Variants in SCP2 observed in about 807,000 individuals in gnomAD.
SCP2 encodes SCP-2/3-oxoacyl-CoA thiolase.
SCP2 carries 48 observed loss-of-function variants against 71.4 expected under a neutral mutation model. The ratio of observed to expected loss-of-function variants is 0.67; its 90% CI spans 0.53 to 0.86. The LOEUF (loss-of-function observed/expected upper bound fraction) is 0.86. Among genes scored for constraint, SCP2 ranks in the 40% least tolerant of loss-of-function variants. SCP2 has a pLI of 0.00. For missense variants in SCP2, 560 were observed against 655.6 expected, an observed-to-expected ratio of 0.85 and a Z score of 1.59; for synonymous variants, 220 against 218.1, an observed-to-expected ratio of 1.01 and a Z score of -0.08.
rs78721014 is a variant in SCP2 at position 52,933,195 on chromosome 1, T to C, written c.69+5730T>C. Among the ~76,000 whole-genome samples the C allele has an allele frequency of 5.0e-3, 766 of 152,336 alleles. 5 individuals carry two copies. Among genetic ancestry groups the C allele is most frequent in the African/African-American group, 0.018 (738 of 41,576 alleles). On this transcript the variant is annotated intron_variant, in intron 1 of 15. Coordinates refer to ENST00000371514, the MANE Select transcript of SCP2 (RefSeq NM_002979.5). ...TTGCAAGGAAGTTATCAAAGCCTAC[T>C]TGAGTGATGCCGAAAGGATTCAGGA...
intron 5 of SCP2, 29 bp from the exon 6 acceptor site, chr1:52,961,474 G>A: frequency 6.2e-7 from 1 of 1,612,284 alleles, no homozygotes; most frequent in Non-Finnish European, 8.5e-7. Flanking sequence ...CATGTCAGCT[G>A]CTTATGAAAT....
chr1:53,047,190 T>C (rs1477719274), intron 14 of SCP2, among the ~76,000 whole-genome samples: 3 of 152,184 alleles, frequency 2.0e-5, no homozygotes, highest in Non-Finnish European at 4.4e-5. Flanking sequence ...CACGTGGCCC[T>C]CTCCATAGGA....
At chr1:53,007,109 A>G (rs112934358) in intron 11 of SCP2, among the ~76,000 whole-genome samples, 20,674 of 152,248 alleles carry the variant, frequency 0.14, 2,027 homozygotes, top group East Asian at 0.33. Context: ...CACCCAATAC[A>G]GGAGCACCCG....
At chr1:53,032,366 A>G (rs1050981294) in intron 13 of SCP2, among the ~76,000 whole-genome samples, 2 of 152,200 alleles carry the variant, frequency 1.3e-5, no homozygotes, top group African/African-American at 4.8e-5. Context: ...TCCAGAAAAA[A>G]GCAACATGGG....
rs1419501059 is a variant in SCP2 at position 52,941,943 on chromosome 1, A to G, written c.127+90A>G. 4.3e-6 allele frequency: 4 copies of G among 920,890 alleles called. No homozygotes were observed. In the Admixed American group the frequency reaches 7.2e-5, roughly 17 times the overall value. 57.0% of individuals were successfully genotyped at this position (920,890 alleles called of 1,614,324 possible). A position where few individuals can be genotyped will look rare whatever the true frequency, so the allele number is the denominator to read the frequency against. On this transcript the variant is annotated intron_variant, in intron 2 of 15. Coordinates refer to ENST00000371514, the MANE Select transcript of SCP2 (RefSeq NM_002979.5). Reference sequence around the variant, plus strand: ...GGATGGGGCAGCCTTGCAAGCACAAAAGGAAGCCCAGTCAAGGGAGAAGAA... The same window carrying G: ...GGATGGGGCAGCCTTGCAAGCACAAGAGGAAGCCCAGTCAAGGGAGAAGAA...
At chr1:52,928,802 G>A (rs751095819) in intron 1 of SCP2, 4 of 154,364 alleles carry the variant, frequency 2.6e-5, no homozygotes, top group Non-Finnish European at 4.4e-5. Flanking sequence ...CATGGAAATG[G>A]AAAAGTGGAC....
At chr1:52,993,334 C>T in intron 11 of SCP2, 2 of 1,614,206 alleles carry the variant, frequency 1.2e-6, no homozygotes, top group East Asian at 4.5e-5. Flanking sequence ...TCATCCTAAT[C>T]TTTGCTGATG....
At chr1:52,996,239 G>A (rs1404797779) in intron 11 of SCP2, among the ~76,000 whole-genome samples, 5 of 152,116 alleles carry the variant, frequency 3.3e-5, no homozygotes, top group Non-Finnish European at 7.4e-5. Flanking sequence ...TGCCACTCTG[G>A]GTGACCCTGT....
At chr1:53,040,093 A>AACC (rs1360910595) in intron 14 of SCP2, among the ~76,000 whole-genome samples, 1 of 152,098 alleles carries the variant, frequency 6.6e-6, no homozygotes, top group African/African-American at 2.4e-5. Flanking sequence ...CCTCCTCTGT[A>AACC]ACCACCACCA....
At position 53,012,931 on chromosome 1, in the gene SCP2, A is replaced by G. The variant is rs1003622482; in HGVS notation, c.1082-1959A>G. ...GAAGACAACTAGCAGCGTATCTAAG[A>G]CCAGTTTGAATATTTTTTGTCTTTT... On this transcript the variant is annotated intron_variant, in intron 11 of 15. Coordinates refer to ENST00000371514, the MANE Select transcript of SCP2 (RefSeq NM_002979.5). Among the ~76,000 whole-genome samples, 4 of 152,128 alleles carry G rather than the reference A, an allele frequency of 2.6e-5. No homozygotes were observed. In the East Asian group the frequency reaches 7.7e-4, roughly 29 times the overall value.
intron 11 of SCP2, among the ~76,000 whole-genome samples, chr1:53,003,610 C>T (rs1660455472): frequency 6.6e-6 from 1 of 152,148 alleles, no homozygotes; most frequent in Admixed American, 6.5e-5. Flanking sequence ...GTCTCTACTT[C>T]CTGGGCTCAA....
chr1:53,038,236 A>G (rs941169349), intron 13 of SCP2, among the ~76,000 whole-genome samples: 1 of 130,638 alleles, frequency 7.7e-6, no homozygotes, highest in Admixed American at 9.1e-5. Context: ...TATATATGTC[A>G]TTTATATATG....
In SCP2 at chr1:53,039,060, T is replaced by C; in HGVS notation, c.1468+14T>C. 1 of 1,614,092 alleles carries C rather than the reference T, an allele frequency of 6.2e-7. No homozygotes were observed. Among genetic ancestry groups the C allele is most frequent in the Non-Finnish European group, 8.5e-7 (1 of 1,179,970 alleles). On this transcript the variant is annotated intron_variant, in intron 14 of 15. Coordinates refer to ENST00000371514, the MANE Select transcript of SCP2 (RefSeq NM_002979.5). ...TTCCTAACTCAGGTTAGTTTGGGAA[T>C]GACTTCATTCTAGGAGCACTGACGA...
At chr1:53,007,861 A>G (rs189956991) in intron 11 of SCP2, among the ~76,000 whole-genome samples, 3 of 152,346 alleles carry the variant, frequency 2.0e-5, no homozygotes, top group Admixed American at 2.0e-4. Context: ...GAAGCGATCA[A>G]CAAAATTGAT....
chr1:52,994,029 C>G, intron 11 of SCP2: 1 of 1,192,088 alleles, frequency 8.4e-7, no homozygotes. Context: ...GTGACACCCT[C>G]AAGGTACCGT....
intron 11 of SCP2, among the ~76,000 whole-genome samples, chr1:52,998,430 T>C (rs888146780): frequency 6.6e-6 from 1 of 152,102 alleles, no homozygotes; most frequent in Admixed American, 6.6e-5. Flanking sequence ...ACTTTGTCTC[T>C]ACAAAATATT....
chr1:53,023,776 G>A (rs7512539), intron 12 of SCP2, among the ~76,000 whole-genome samples: 31,782 of 151,926 alleles, frequency 0.21, 4,393 homozygotes, highest in African/African-American at 0.37. Flanking sequence ...TGCTGGAGAT[G>A]AGGTTCCATT....
Position 52,935,693 on chromosome 1 carries a change from T to C in SCP2, c.70-6103T>C, listed in dbSNP as rs114828222. 9.9e-3 allele frequency among the ~76,000 whole-genome samples: 1,496 copies of C among 151,610 alleles called. 25 individuals carry two copies. Among genetic ancestry groups the C allele is most frequent in the Middle Eastern group, 0.021 (6 of 290 alleles). On this transcript the variant is annotated intron_variant, in intron 1 of 15. Transcript: ENST00000371514. ...TGGCTCATGCCTGTAATCCCAGCAG[T>C]TGGGGAGGCTGAGGTTGAAGGCTTA...
chr1:53,050,399 T>G (rs1023158908), intron 15 of SCP2: 5 of 504,612 alleles, frequency 9.9e-6, no homozygotes, highest in Admixed American at 6.5e-5. Flanking sequence ...AAGCTGCTCC[T>G]TTCTGCTGAT....
Sources: gnomAD v4.1 joint callset for allele counts (sites outside exome capture counted in the v4.1 genomes callset) on GRCh38, gnomAD v4.1.1 for gene constraint, MANE v1.5 for transcripts, NCBI Gene and HGNC (gene_info 2026-07-23, HGNC 2026-07-21) for gene names.